The following FAM110B variants were observed in gnomAD, a reference collection of about 807,000 sequenced individuals.
FAM110B encodes protein FAM110B.
In FAM110B, 6 loss-of-function variants were observed where a neutral mutation model predicts 20.4. That is an observed-to-expected ratio of 0.29 (90% CI 0.16 to 0.58). The LOEUF (loss-of-function observed/expected upper bound fraction) is 0.58. Ranked by LOEUF, FAM110B falls within the 20% of genes least tolerant of loss-of-function variation. FAM110B has a pLI of 0.90. For synonymous variants in FAM110B, 226 were observed against 214.1 expected, an observed-to-expected ratio of 1.06 and a Z score of -0.49; for missense variants, 434 against 498.2, an observed-to-expected ratio of 0.87 and a Z score of 1.23.
intron 2 of FAM110B, among the ~76,000 whole-genome samples, chr8:58,040,216 A>G (rs543494979): frequency 4.0e-5 from 6 of 151,590 alleles, no homozygotes; most frequent in Non-Finnish European, 8.8e-5. Flanking sequence ...AACATTCCCT[A>G]CTTGTTATTT....
intron 1 of FAM110B, among the ~76,000 whole-genome samples, chr8:58,006,923 A>ATATATATATATTTTTTTTTTT: frequency 1.0e-4 from 13 of 126,526 alleles, no homozygotes; most frequent in African/African-American, 3.3e-4. Flanking sequence ...ATATATATAT[A>ATATATATATATTTTTTTTTTT]TTTTTCCAAA....
intron 3 of FAM110B, among the ~76,000 whole-genome samples, chr8:58,091,819 T>C (rs115606950): frequency 0.016 from 2,401 of 152,320 alleles, 55 homozygotes; most frequent in African/African-American, 0.053. Flanking sequence ...AAATGATCCC[T>C]GCATGGCAGA....
intron 3 of FAM110B, among the ~76,000 whole-genome samples, chr8:58,145,319 T>G (rs1162757638): frequency 3.9e-5 from 6 of 152,090 alleles, no homozygotes; most frequent in Non-Finnish European, 7.4e-5. Context: ...GTTGAGGTTT[T>G]TTTTTTTTTT....
At chr8:58,130,701 A>G (rs1803443134) in intron 3 of FAM110B, among the ~76,000 whole-genome samples, 3 of 151,408 alleles carry the variant, frequency 2.0e-5, no homozygotes, top group Admixed American at 2.0e-4. Flanking sequence ...TTCCTTAGCT[A>G]TTATATTACT....
chr8:58,028,089 A>G (rs955494144), intron 1 of FAM110B, among the ~76,000 whole-genome samples: 38 of 152,180 alleles, frequency 2.5e-4, no homozygotes, highest in African/African-American at 8.9e-4. Flanking sequence ...AAGTTGTTTC[A>G]TATCCTTATA....
At chr8:58,033,911 AG>A (rs1805022909) in intron 2 of FAM110B, among the ~76,000 whole-genome samples, 1 of 152,054 alleles carries the variant, frequency 6.6e-6, no homozygotes, top group Non-Finnish European at 1.5e-5. Flanking sequence ...TGCTGGTCTC[AG>A]GCTCAACCCT....
At chr8:58,085,274 A>G (rs1035890195) in intron 3 of FAM110B, among the ~76,000 whole-genome samples, 1 of 152,168 alleles carries the variant, frequency 6.6e-6, no homozygotes, top group Non-Finnish European at 1.5e-5. Context: ...GCCCTTCAGG[A>G]GTCCGGGGCA....
intron 3 of FAM110B, among the ~76,000 whole-genome samples, chr8:58,120,171 A>AT (rs998427016): frequency 2.6e-5 from 4 of 151,832 alleles, no homozygotes; most frequent in Non-Finnish European, 4.4e-5. Context: ...TTTGCACATA[A>AT]TTTTTTTTTA....
At chr8:58,080,129 C>T (rs559366207) in intron 3 of FAM110B, among the ~76,000 whole-genome samples, 1 of 152,328 alleles carries the variant, frequency 6.6e-6, no homozygotes, top group East Asian at 1.9e-4. Context: ...TGTGGTTAGA[C>T]ATACACTGGG....
intron 1 of FAM110B, among the ~76,000 whole-genome samples, chr8:58,002,524 G>GT (rs1284607289): frequency 1.3e-5 from 2 of 152,106 alleles, no homozygotes; most frequent in Non-Finnish European, 2.9e-5. Flanking sequence ...TTTTGTGAGT[G>GT]TATCTTCTGT....
chr8:58,100,401 T>A (rs937646582), intron 3 of FAM110B, among the ~76,000 whole-genome samples: 12 of 152,218 alleles, frequency 7.9e-5, no homozygotes, highest in Admixed American at 5.2e-4. Context: ...ATTGTATAAG[T>A]TTTCTAGGCT....
chr8:58,058,159 A>G (rs551787802), intron 2 of FAM110B, among the ~76,000 whole-genome samples: 2 of 152,356 alleles, frequency 1.3e-5, no homozygotes, highest in Non-Finnish European at 2.9e-5. Context: ...TGAAATTGCT[A>G]TAGTGACAGC....
chr8:58,077,673 T>C (rs1024090534), intron 3 of FAM110B, among the ~76,000 whole-genome samples: 1 of 152,148 alleles, frequency 6.6e-6, no homozygotes, highest in Non-Finnish European at 1.5e-5. Context: ...ATACCTGATA[T>C]AGCCTAGGTA....
chr8:58,146,791 G>C lies in FAM110B; in HGVS notation c.561G>C (p.Glu187Asp). 5 of 1,610,522 alleles carry C rather than the reference G, an allele frequency of 3.1e-6. No individual in the cohort carries two copies. The highest frequency in any genetic ancestry group is 4.2e-6 in the Non-Finnish European group (5 of 1,178,028). The change falls in exon 4 of 4, where the codon GAG becomes GAC. Residue 187 changes from glutamate to aspartate, a missense_variant. Coordinates refer to ENST00000519262, the MANE Select transcript of FAM110B (RefSeq NM_001377989.1). ...CCCACGTGGGCAGGAGACTGCTGGA[G>C]CAGTCAGCCGAGTCCTTCCTCCACG... ...GGSHVGRRLL[E>D]QSAESFLHVS...
chr8:58,141,842 A>G (rs951965042), intron 3 of FAM110B, among the ~76,000 whole-genome samples: 1 of 152,056 alleles, frequency 6.6e-6, no homozygotes, highest in Non-Finnish European at 1.5e-5. Flanking sequence ...AAGGCCACAC[A>G]CTCTCCCATT....
intron 2 of FAM110B, among the ~76,000 whole-genome samples, chr8:58,072,818 CTGAAGTCATTCCA>C (rs1805936411): frequency 1.3e-5 from 2 of 152,178 alleles, no homozygotes; most frequent in Non-Finnish European, 2.9e-5. Context: ...AGTTTAAAAA[CTGAAGTCATTCCA>C]TGAAAAATAT....
At chr8:58,064,277 C>A (rs1805717105) in intron 2 of FAM110B, among the ~76,000 whole-genome samples, 1 of 152,154 alleles carries the variant, frequency 6.6e-6, no homozygotes, top group Non-Finnish European at 1.5e-5. Context: ...ATGGTAAACA[C>A]CTTTCTCTAA....
intron 3 of FAM110B, among the ~76,000 whole-genome samples, chr8:58,110,925 C>G (rs17175804): frequency 0.088 from 13,369 of 152,088 alleles, 777 homozygotes; most frequent in Middle Eastern, 0.13. Context: ...AGCATAGATT[C>G]CGAATTACAA....
intron 2 of FAM110B, among the ~76,000 whole-genome samples, chr8:58,060,506 C>A (rs1410867673): frequency 1.3e-5 from 2 of 152,084 alleles, no homozygotes; most frequent in Non-Finnish European, 2.9e-5. Flanking sequence ...ACAACCAAGA[C>A]CAGTGAGACT....
Sources: allele counts gnomAD v4.1 joint callset (sites outside exome capture counted in the v4.1 genomes callset), GRCh38; gene constraint gnomAD v4.1.1; transcripts MANE v1.5; gene names NCBI Gene and HGNC (gene_info 2026-07-23, HGNC 2026-07-21).